The following SH3RF3 variants were observed in gnomAD, a reference collection of about 807,000 sequenced individuals.
SH3RF3 encodes SH3 domain containing ring finger 3.
Under a neutral mutation model 66.3 loss-of-function variants are expected in SH3RF3, and 29 were observed. The ratio of observed to expected loss-of-function variants is 0.44; its 90% CI spans 0.33 to 0.60. The LOEUF is 0.60. SH3RF3 is among the 20% of genes least tolerant of loss of function. The probability of loss-of-function intolerance (pLI) is 0.04; values close to 1 mark genes in which losing one functional copy is unlikely to be tolerated. For missense variants in SH3RF3, 1,194 were observed against 1,190.9 expected, an observed-to-expected ratio of 1.00 and a Z score of -0.04; for synonymous variants, 583 against 532.0, an observed-to-expected ratio of 1.10 and a Z score of -1.32.
At chr2:109,391,168 A>C (rs1675981968) in intron 3 of SH3RF3, among the ~76,000 whole-genome samples, 1 of 152,234 alleles carries the variant, frequency 6.6e-6, no homozygotes, top group South Asian at 2.1e-4. Flanking sequence ...GCCTGTACTC[A>C]GGCTTTACGT....
At chr2:109,143,809 T>C (rs376247595) in intron 1 of SH3RF3, among the ~76,000 whole-genome samples, 412 of 148,826 alleles carry the variant, frequency 2.8e-3, no homozygotes, top group African/African-American at 9.5e-3. Flanking sequence ...CTGTGCTGTA[T>C]ACACACACAC....
At chr2:109,470,803 A>G (rs897507568) in intron 8 of SH3RF3, among the ~76,000 whole-genome samples, 3 of 152,250 alleles carry the variant, frequency 2.0e-5, no homozygotes, top group African/African-American at 7.2e-5. Context: ...TTTGCAGGGA[A>G]GTCAGCTCAC....
chr2:109,200,318 C>T (rs148468717), intron 1 of SH3RF3, among the ~76,000 whole-genome samples: 1 of 152,284 alleles, frequency 6.6e-6, no homozygotes, highest in Non-Finnish European at 1.5e-5. Flanking sequence ...CCAGACCCTG[C>T]CGCAGAACTC....
At chr2:109,411,687 G>A (rs888989092) in intron 4 of SH3RF3, among the ~76,000 whole-genome samples, 4 of 152,024 alleles carry the variant, frequency 2.6e-5, no homozygotes, top group Admixed American at 2.0e-4. Flanking sequence ...CGCACCCCTC[G>A]CCCTGGGTAC....
chr2:109,317,762 C>G lies in SH3RF3; in HGVS notation c.574-29912C>G, dbSNP rs551532102. On this transcript the variant is annotated intron_variant, in intron 1 of 9. Transcript: ENST00000309415. The stretch of plus-strand genomic sequence containing the variant: ...GCCTCCCTGTGAACAGGCTTCTGCT[C>G]GTGAGTGCCTTTGTAGTGTCCTGGT... 3.7e-4 allele frequency among the ~76,000 whole-genome samples: 57 copies of G among 152,264 alleles called. No homozygotes were observed. In the South Asian group the frequency reaches 6.0e-3, roughly 16 times the overall value.
chr2:109,287,341 T>C (rs1681051085), intron 1 of SH3RF3, among the ~76,000 whole-genome samples: 1 of 152,164 alleles, frequency 6.6e-6, no homozygotes, highest in Admixed American at 6.5e-5. Context: ...CTGCAGACCA[T>C]AAGAAAGTAC....
chr2:109,392,818 T>A (rs1676039817), intron 3 of SH3RF3, among the ~76,000 whole-genome samples: 1 of 152,166 alleles, frequency 6.6e-6, no homozygotes, highest in Admixed American at 6.5e-5. Context: ...CACGGCCCCC[T>A]GGCTTCTTAC....
chr2:109,322,828 A>C (rs1283211523), intron 1 of SH3RF3, among the ~76,000 whole-genome samples: 2 of 152,212 alleles, frequency 1.3e-5, no homozygotes, highest in Non-Finnish European at 2.9e-5. Context: ...ATCTCCCCAC[A>C]TCAGGATATG....
chr2:109,380,767 A>G (rs965034806), intron 3 of SH3RF3, among the ~76,000 whole-genome samples: 5 of 152,158 alleles, frequency 3.3e-5, no homozygotes, highest in African/African-American at 1.2e-4. Context: ...TAGCCAGGCA[A>G]TCCCTGCCCA....
intron 8 of SH3RF3, among the ~76,000 whole-genome samples, chr2:109,484,920 C>T (rs756447529): frequency 2.0e-5 from 3 of 152,206 alleles, no homozygotes; most frequent in Non-Finnish European, 2.9e-5. Context: ...GTCACAAAAA[C>T]ATCTTTGTGT....
chr2:109,381,816 T>G (rs1421124328), intron 3 of SH3RF3, among the ~76,000 whole-genome samples: 1 of 152,120 alleles, frequency 6.6e-6, no homozygotes, highest in East Asian at 1.9e-4. Context: ...GGGTCTGTGT[T>G]ACATAGTAGA....
rs1212792426 is a variant in SH3RF3 at position 109,129,635 on chromosome 2, G to C, written c.95G>C (p.Arg32Pro). 2 of 1,494,790 alleles carry C rather than the reference G, an allele frequency of 1.3e-6. No individual in the cohort carries two copies. Among genetic ancestry groups the C allele is most frequent in the Non-Finnish European group, 1.8e-6 (2 of 1,130,578 alleles). 92.6% of individuals were successfully genotyped at this position (1,494,790 alleles called of 1,614,324 possible). ...GDEDRPGERRRRRAAATAAGA... is the reference protein window; with the variant it reads ...GDEDRPGERRPRRAAATAAGA... ...GAGGACAGGCCAGGCGAGCGACGGC[G>C]GCGTCGGGCGGCGGCCACCGCCGCG... Residue 32 changes from arginine to proline, a missense_variant, in exon 1 of 10, where the codon CGG becomes CCG. Physicochemically the swap from Arg to Pro is moderately radical, Grantham distance 103 (BLOSUM62 -2). Coordinates refer to ENST00000309415, the MANE Select transcript of SH3RF3 (RefSeq NM_001099289.3).
At chr2:109,364,027 T>C (rs1205241825) in intron 2 of SH3RF3, among the ~76,000 whole-genome samples, 1 of 152,190 alleles carries the variant, frequency 6.6e-6, no homozygotes, top group Non-Finnish European at 1.5e-5. Context: ...AATTCTCAGT[T>C]ATTATTGTTT....
chr2:109,426,027 A>G (rs1236971785), intron 5 of SH3RF3, among the ~76,000 whole-genome samples: 2 of 152,124 alleles, frequency 1.3e-5, no homozygotes, highest in African/African-American at 4.8e-5. Flanking sequence ...CCTTCCCGGT[A>G]GCTGGGATTA....
At chr2:109,471,206 CAAAAAAAAAAAA>C (rs61224177) in intron 8 of SH3RF3, among the ~76,000 whole-genome samples, 2 of 40,144 alleles carry the variant, frequency 5.0e-5, no homozygotes, top group Non-Finnish European at 1.3e-4. Flanking sequence ...GACTCTGTCT[CAAAAAAAAAAAA>C]AAAAAAAAAA....
intron 7 of SH3RF3, among the ~76,000 whole-genome samples, chr2:109,443,104 ATTGC>A (rs943373706): frequency 2.0e-5 from 3 of 152,254 alleles, no homozygotes; most frequent in African/African-American, 7.2e-5. Context: ...ATACTGAACT[ATTGC>A]TTCTAGGTGA....
chr2:109,463,504 A>T (rs1678260990), intron 8 of SH3RF3, among the ~76,000 whole-genome samples: 1 of 152,204 alleles, frequency 6.6e-6, no homozygotes, highest in Non-Finnish European at 1.5e-5. Context: ...CCCCTCACAC[A>T]TCTGTTTCTC....
chr2:109,476,535 CA>C (rs1678687476), intron 8 of SH3RF3, among the ~76,000 whole-genome samples: 1 of 152,222 alleles, frequency 6.6e-6, no homozygotes, highest in African/African-American at 2.4e-5. Context: ...TCTAGCATGT[CA>C]AAGGCTAAAA....
chr2:109,235,821 G>A (rs1040503129), intron 1 of SH3RF3, among the ~76,000 whole-genome samples: 1 of 152,216 alleles, frequency 6.6e-6, no homozygotes, highest in Non-Finnish European at 1.5e-5. Context: ...CGGCACCAGG[G>A]TGGGCCTCCT....
Sources: gnomAD v4.1 joint callset for allele counts (sites outside exome capture counted in the v4.1 genomes callset) on GRCh38, gnomAD v4.1.1 for gene constraint, MANE v1.5 for transcripts, NCBI Gene and HGNC (gene_info 2026-07-23, HGNC 2026-07-21) for gene names.